CASTOR2: variants seen among roughly 807,000 people sequenced by gnomAD.
CASTOR2 encodes the protein GATS protein like 2.
Under a neutral mutation model 31.2 loss-of-function variants are expected in CASTOR2, and 8 were observed. The observed-to-expected ratio is 0.26, with a 90% CI of 0.15 to 0.46. CASTOR2 has a LOEUF of 0.46. Among genes scored for constraint, CASTOR2 ranks in the 20% least tolerant of loss-of-function variants. The pLI is 0.99. For missense variants in CASTOR2, 216 were observed against 382.1 expected, an observed-to-expected ratio of 0.57 and a Z score of 3.62; for synonymous variants, 162 against 158.7, an observed-to-expected ratio of 1.02 and a Z score of -0.16.
intron 1 of CASTOR2, among the ~76,000 whole-genome samples, chr7:74,988,549 G>C (rs1804127065): frequency 6.6e-6 from 1 of 152,022 alleles, no homozygotes; most frequent in Non-Finnish European, 1.5e-5. Flanking sequence ...TGCCCACTTC[G>C]GCCTCCCAGA....
chr7:74,991,165 C>T (rs1299725653), intron 1 of CASTOR2, among the ~76,000 whole-genome samples: 1 of 152,078 alleles, frequency 6.6e-6, no homozygotes, highest in African/African-American at 2.4e-5. Context: ...GTGTGAGCAT[C>T]TGTAGGTCCT....
rs1805299510 is a variant in CASTOR2, at chr7:75,031,366, C to T, written c.*6667C>T. On this transcript the variant is annotated 3_prime_UTR_variant, in exon 9 of 9. Coordinates refer to ENST00000616305, the MANE Select transcript of CASTOR2 (RefSeq NM_001145064.3). ...GAAGGGGAGAACCTGCCATCTTATC[C>T]CTACCCCCCCGGGGCCCTCAAGCTT... is the stretch of plus-strand genomic sequence containing the variant. 6.6e-6 allele frequency among the ~76,000 whole-genome samples: 1 copy of T among 152,156 alleles called. No homozygotes were observed. Among genetic ancestry groups the T allele is most frequent in the South Asian group, 2.1e-4 (1 of 4,816 alleles).
intron 1 of CASTOR2, among the ~76,000 whole-genome samples, chr7:74,987,317 A>G (rs1389437921): frequency 3.3e-5 from 5 of 151,568 alleles, no homozygotes; most frequent in African/African-American, 4.8e-5. Context: ...AGGCAGGAGA[A>G]TTGCTTCAAC....
intron 2 of CASTOR2, among the ~76,000 whole-genome samples, chr7:75,010,365 G>A (rs1182182722): frequency 6.6e-6 from 1 of 152,096 alleles, no homozygotes; most frequent in Non-Finnish European, 1.5e-5. Context: ...TATTCTTCAG[G>A]CACTGGGGAG....
intron 2 of CASTOR2, among the ~76,000 whole-genome samples, chr7:75,008,539 ACT>A (rs1804655245): frequency 4.0e-5 from 6 of 151,764 alleles, no homozygotes; most frequent in Admixed American, 3.3e-4. Context: ...CTAAAACGTT[ACT>A]TTAAATTAAC....
At chr7:74,987,999 C>T (rs1584463117) in intron 1 of CASTOR2, among the ~76,000 whole-genome samples, 1 of 148,024 alleles carries the variant, frequency 6.8e-6, no homozygotes, top group African/African-American at 2.6e-5. Context: ...TGAGTCACTG[C>T]GCCTGGCCTT....
chr7:75,008,253 G>C (rs2131945089), intron 2 of CASTOR2, among the ~76,000 whole-genome samples, 189 bp downstream of exon 2: 1 of 139,056 alleles, frequency 7.2e-6, no homozygotes, highest in South Asian at 2.1e-4. Context: ...CTGGCTTCTG[G>C]AGGGTCCCCT....
chr7:75,019,876 G>A (rs1439482591), intron 5 of CASTOR2, among the ~76,000 whole-genome samples, 163 bp from the exon 6 acceptor site: 2 of 152,184 alleles, frequency 1.3e-5, no homozygotes, highest in Non-Finnish European at 2.9e-5. Flanking sequence ...TTGTGAATGC[G>A]GTGAAATCAT....
rs1304464036 is a variant in CASTOR2 at position 75,026,962 on chromosome 7, TAG to T, written c.*2267_*2268del. On this transcript the variant is annotated 3_prime_UTR_variant, in exon 9 of 9. Transcript: ENST00000616305. ...TATAAATACCTGTGTTTTATGTTGATAGAGATATATACTGTAAATAGCATATA... is the reference window on the plus strand; with the variant it reads ...TATAAATACCTGTGTTTTATGTTGATAGATATATACTGTAAATAGCATATA... Among the ~76,000 whole-genome samples, 1 of 152,204 alleles carries T rather than the reference TAG, an allele frequency of 6.6e-6. No homozygotes were observed. The highest frequency in any genetic ancestry group is 1.5e-5 in the Non-Finnish European group (1 of 68,042).
In CASTOR2 at chr7:74,995,377, C is replaced by T. The variant is rs1554437816; in HGVS notation, c.114-12617C>T. On this transcript the variant is annotated intron_variant, in intron 1 of 8. Coordinates refer to ENST00000616305, the MANE Select transcript of CASTOR2 (RefSeq NM_001145064.3). ...GAAGGGATCAGATGGGTGGACAGGT[C>T]GGGCACAGTGGCTGACACAGTGGCT... Among the ~76,000 whole-genome samples, 5 of 151,554 alleles carry T rather than the reference C, an allele frequency of 3.3e-5. No homozygotes were observed. The East Asian group carries it at 5.8e-4, about 18-fold the overall frequency.
intron 1 of CASTOR2, among the ~76,000 whole-genome samples, chr7:74,991,829 T>A (rs2131931445): frequency 6.6e-6 from 1 of 151,990 alleles, no homozygotes; most frequent in East Asian, 1.9e-4. Flanking sequence ...ACAGCCCAAA[T>A]CATGGAGCTG....
At chr7:75,008,446 C>T (rs1361820168) in intron 2 of CASTOR2, among the ~76,000 whole-genome samples, 22 of 152,152 alleles carry the variant, frequency 1.4e-4, no homozygotes, top group Admixed American at 2.6e-4. Flanking sequence ...CAGTGGCTCA[C>T]GCTTTTAGTC....
chr7:75,017,907 A>G lies in CASTOR2; in HGVS notation c.379-83A>G, dbSNP rs1247729603. The G allele has an allele frequency of 3.1e-6, 5 of 1,613,476 alleles. No homozygotes were observed. In the African/African-American group the frequency reaches 6.7e-5, roughly 22 times the overall value. On this transcript the variant is annotated intron_variant, in intron 3 of 8. Coordinates refer to ENST00000616305, the MANE Select transcript of CASTOR2 (RefSeq NM_001145064.3). ...CCACGCTATTCCAGGGTGGGGGCAG[A>G]GTCTCAGGGTGAGAGGTCGGTGCCC...
chr7:74,993,817 A>C (rs1804271515), intron 1 of CASTOR2, among the ~76,000 whole-genome samples: 1 of 138,416 alleles, frequency 7.2e-6, no homozygotes, highest in Non-Finnish European at 1.6e-5. Flanking sequence ...AAAAAAAAAA[A>C]CACTTGTAAT....
intron 1 of CASTOR2, among the ~76,000 whole-genome samples, chr7:74,998,225 A>T (rs1392958902): frequency 1.3e-5 from 2 of 152,160 alleles, no homozygotes; most frequent in Admixed American, 6.6e-5. Flanking sequence ...CATTAAGGTC[A>T]CACTGATTAC....
chr7:75,027,728 CAG>C lies in CASTOR2; in HGVS notation c.*3030_*3031del, dbSNP rs1361716639. On this transcript the variant is annotated 3_prime_UTR_variant, in exon 9 of 9. Transcript: ENST00000616305. ...CCCTGGGGACCCTGCTCCTCGGTCA[CAG>C]GGGGCCCCTTTAGTTTTCCCATCCC... The C allele has an allele frequency of 7.0e-6, 3 of 428,150 alleles. No individual in the cohort carries two copies. The highest frequency in any genetic ancestry group is 1.3e-5 in the Non-Finnish European group (3 of 233,720). The allele number at this position is 428,150 out of a possible 1,614,324, so 26.5% of individuals were successfully genotyped here. A position where few individuals can be genotyped will look rare whatever the true frequency, so the allele number is the denominator to read the frequency against.
intron 1 of CASTOR2, among the ~76,000 whole-genome samples, chr7:74,980,683 C>G (rs1554436191): frequency 1.7e-4 from 23 of 139,380 alleles, no homozygotes. Flanking sequence ...ACTGGAAGAG[C>G]ACATCTGACA....
chr7:75,007,940 C>T, intron 1 of CASTOR2, 54 bp from the exon 2 acceptor site: 1 of 1,613,524 alleles, frequency 6.2e-7, no homozygotes, highest in South Asian at 1.1e-5. Context: ...GGGCAGCTGC[C>T]CCAGGGGACC....
intron 1 of CASTOR2, among the ~76,000 whole-genome samples, chr7:74,989,594 T>TC (rs1355984230): frequency 2.7e-5 from 4 of 150,132 alleles, no homozygotes; most frequent in Admixed American, 6.7e-5. Flanking sequence ...TTTTTTTTTT[T>TC]CTGTAGAGAT....
Sources: gnomAD v4.1 joint callset for allele counts (sites outside exome capture counted in the v4.1 genomes callset) on GRCh38, gnomAD v4.1.1 for gene constraint, MANE v1.5 for transcripts, NCBI Gene and HGNC (gene_info 2026-07-23, HGNC 2026-07-21) for gene names.